ZFHX3: variants seen among roughly 807,000 people sequenced by gnomAD.
ZFHX3 encodes zinc finger homeobox protein 3.
A neutral mutation model predicts 279.1 loss-of-function variants in ZFHX3; 42 were observed. That is an observed-to-expected ratio of 0.15 (90% CI 0.12 to 0.19). The LOEUF (loss-of-function observed/expected upper bound fraction) is 0.19, where lower values mean the gene tolerates loss of function less well. Among genes scored for constraint, ZFHX3 ranks in the 10% least tolerant of loss-of-function variants. ZFHX3 has a pLI of 1.00. For synonymous variants in ZFHX3, 2,293 were observed against 1,957.8 expected, an observed-to-expected ratio of 1.17 and a Z score of -4.52; for missense variants, 4,981 against 4,754.0, an observed-to-expected ratio of 1.05 and a Z score of -1.40.
intron 1 of ZFHX3, among the ~76,000 whole-genome samples, chr16:73,683,629 C>A (rs1273916047): frequency 6.6e-6 from 1 of 150,836 alleles, no homozygotes; most frequent in Non-Finnish European, 1.5e-5. Context: ...GCAACCTCTG[C>A]CTCCTGGACT....
intron 5 of ZFHX3, among the ~76,000 whole-genome samples, chr16:73,225,664 G>A (rs774162082): frequency 2.6e-5 from 4 of 152,206 alleles, no homozygotes; most frequent in African/African-American, 4.8e-5. Flanking sequence ...GCCACAAGCT[G>A]TTCAGGTAGG....
At chr16:73,320,245 C>G (rs1030860864) in intron 3 of ZFHX3, among the ~76,000 whole-genome samples, 2 of 152,110 alleles carry the variant, frequency 1.3e-5, no homozygotes, top group African/African-American at 2.4e-5. Flanking sequence ...ACTAATGACC[C>G]CTTATTTAAA....
chr16:73,326,122 G>A (rs541056363), intron 3 of ZFHX3, among the ~76,000 whole-genome samples: 5 of 152,252 alleles, frequency 3.3e-5, no homozygotes, highest in African/African-American at 1.2e-4. Flanking sequence ...GAGGCTGAGC[G>A]GCATGCCCAT....
intron 1 of ZFHX3, among the ~76,000 whole-genome samples, chr16:73,791,170 G>A (rs1357904357): frequency 6.6e-6 from 1 of 152,058 alleles, no homozygotes; most frequent in Non-Finnish European, 1.5e-5. Flanking sequence ...TTGCTGTGTT[G>A]CCCAGGCTGG....
At chr16:73,228,232 C>T (rs2012665132) in intron 5 of ZFHX3, among the ~76,000 whole-genome samples, 1 of 152,280 alleles carries the variant, frequency 6.6e-6, no homozygotes, top group East Asian at 1.9e-4. Flanking sequence ...CTTTTACCTA[C>T]AAGGGCCCCT....
chr16:73,693,593 AC>A (rs1201460064), intron 1 of ZFHX3, among the ~76,000 whole-genome samples: 2 of 152,136 alleles, frequency 1.3e-5, no homozygotes, highest in Admixed American at 6.5e-5. Flanking sequence ...TCTTTCCGCT[AC>A]ATAAAGGCCA....
At chr16:73,680,489 G>T (rs748543484) in intron 1 of ZFHX3, among the ~76,000 whole-genome samples, 6 of 152,148 alleles carry the variant, frequency 3.9e-5, no homozygotes, top group Non-Finnish European at 7.3e-5. Flanking sequence ...CCCCTTCCAA[G>T]AAAGTGGTAG....
In ZFHX3 at chr16:73,540,162, G is replaced by T. The variant is rs148005011; in HGVS notation, c.-1546-83904C>A. Among the ~76,000 whole-genome samples, 36 of 152,242 alleles carry T rather than the reference G, an allele frequency of 2.4e-4. 1 individual carries two copies. In the East Asian group the frequency reaches 6.6e-3, roughly 28 times the overall value. ...AAAATGCATGTTTCTTTGGCCTGAC[G>T]TGCCTGCTGGTTTTCATGTGATATG... On this transcript the variant is annotated intron_variant, in intron 2 of 17. Coordinates refer to the ZFHX3 transcript ENST00000641206.
rs368377575 is a variant in ZFHX3, at chr16:73,105,394, C to T, written c.-896-11796G>A. 1.2e-3 allele frequency among the ~76,000 whole-genome samples: 154 copies of T among 124,102 alleles called. 10 individuals are homozygous for T. The highest frequency in any genetic ancestry group is 5.0e-3 in the African/African-American group (145 of 28,896). The allele number at this position is 124,102 out of a possible 152,430, so 81.4% of individuals were successfully genotyped here. ...ACATATATATATATACACACACACA[C>T]ATATATATATATATACACACACACA... is the stretch of plus-strand genomic sequence containing the variant. On this transcript the variant is annotated intron_variant, in intron 7 of 17. Transcript: ENST00000641206.
chr16:73,004,321 CTTTTTTTTTTTTTT>C (rs34987461), intron 1 of ZFHX3, among the ~76,000 whole-genome samples: 1 of 52,102 alleles, frequency 1.9e-5, no homozygotes, highest in Non-Finnish European at 3.2e-5. Flanking sequence ...ATGCATCAAT[CTTTTTTTTTTTTTT>C]TTTTTTTTTT....
At chr16:72,802,153 C>T (rs999182168) in intron 7 of ZFHX3, among the ~76,000 whole-genome samples, 2 of 151,924 alleles carry the variant, frequency 1.3e-5, no homozygotes, top group African/African-American at 4.8e-5. Context: ...CTCAGTACGA[C>T]GGATCAGTAA....
rs267604632 is a variant in ZFHX3 at position 72,798,366 on chromosome 16, C to T, written c.4316G>A (p.Arg1439Gln). Residue 1439 changes from arginine to glutamine, a missense_variant, in exon 9 of 10, where the codon CGA (arginine) becomes CAA (glutamine). Around this residue, in one of 7 missense-constraint regions of ZFHX3, gnomAD observed 1,751 missense variants for 1,770.0 expected, o/e 0.99. Transcript: ENST00000268489. ...GTGCTTCTTCAGAGCCTGGAAAGTT[C>T]GGAAACTGCGCTGACAAAGACAGCA... is the stretch of plus-strand genomic sequence containing the variant. ...TMCCLCQRSF[R>Q]TFQALKKHLE... 8 of 1,614,044 alleles carry T rather than the reference C, an allele frequency of 5.0e-6. No homozygotes were observed. Among genetic ancestry groups the T allele is most frequent in the East Asian group, 2.2e-5 (1 of 44,884 alleles).
intron 1 of ZFHX3, among the ~76,000 whole-genome samples, chr16:73,849,236 T>C (rs1373411948): frequency 6.6e-6 from 1 of 152,230 alleles, no homozygotes; most frequent in East Asian, 1.9e-4. Flanking sequence ...TGATGTTGCT[T>C]TTTATATGAA....
chr16:73,122,600 G>C (rs542466727), intron 7 of ZFHX3, among the ~76,000 whole-genome samples: 1 of 152,266 alleles, frequency 6.6e-6, no homozygotes, highest in South Asian at 2.1e-4. Flanking sequence ...GGGGTGCAGT[G>C]ACCAACTTGG....
At chr16:72,961,792 C>T (rs1218649997) in intron 1 of ZFHX3, among the ~76,000 whole-genome samples, 1 of 152,178 alleles carries the variant, frequency 6.6e-6, no homozygotes, top group Non-Finnish European at 1.5e-5. Flanking sequence ...ACACATACCC[C>T]TATCTCTCCA....
intron 3 of ZFHX3, among the ~76,000 whole-genome samples, chr16:73,430,326 C>T (rs1463708993): frequency 6.6e-6 from 1 of 152,148 alleles, no homozygotes; most frequent in Non-Finnish European, 1.5e-5. Flanking sequence ...AATATTGCAT[C>T]AGACATACTT....
intron 4 of ZFHX3, among the ~76,000 whole-genome samples, chr16:73,313,143 C>G (rs988998573): frequency 2.6e-5 from 4 of 152,182 alleles, no homozygotes; most frequent in Non-Finnish European, 5.9e-5. Flanking sequence ...GCACCTCCCC[C>G]TTTTCTCGCT....
At chr16:73,261,322 T>A (rs1438781200) in intron 4 of ZFHX3, among the ~76,000 whole-genome samples, 2 of 152,228 alleles carry the variant, frequency 1.3e-5, no homozygotes. Flanking sequence ...TATGTCTATA[T>A]GCTTGCTGAT....
intron 8 of ZFHX3, among the ~76,000 whole-genome samples, chr16:73,084,382 C>T (rs1965984446): frequency 6.6e-6 from 1 of 152,032 alleles, no homozygotes; most frequent in African/African-American, 2.4e-5. Context: ...TAAACAAATT[C>T]AGTGAAGTTG....
Sources: gnomAD v4.1 joint callset for allele counts (sites outside exome capture counted in the v4.1 genomes callset) on GRCh38, gnomAD v4.1.1 for gene constraint, gnomAD v4.1.1 regional missense constraint, MANE v1.5 for transcripts, NCBI Gene and HGNC (gene_info 2026-07-23, HGNC 2026-07-21) for gene names.